The following PLOD1 variants were observed in gnomAD, a reference collection of about 807,000 sequenced individuals.
PLOD1 encodes the protein procollagen-lysine,2-oxoglutarate 5-dioxygenase 1.
Under a neutral mutation model 94.7 loss-of-function variants are expected in PLOD1, and 70 were observed. That is an observed-to-expected ratio of 0.74 (90% CI 0.61 to 0.90). PLOD1 has a LOEUF of 0.90. Among genes scored for constraint, PLOD1 ranks in the 40% least tolerant of loss-of-function variants. The pLI is 0.00. For missense variants in PLOD1, 905 were observed against 972.7 expected (o/e 0.93, Z 0.93); for synonymous variants, 417 against 400.2 (o/e 1.04, Z -0.50).
In PLOD1 at chr1:11,972,690, G is replaced by A. The variant is rs1419069836; in HGVS notation, c.1903-182G>A. ...CTCTCCCCTCTGTCCATACATTTTT[G>A]TTGAGAACCTTTTCTGTGCCAGGTA... On this transcript the variant is annotated intron_variant, in intron 17 of 18. Coordinates refer to ENST00000196061, the MANE Select transcript of PLOD1 (RefSeq NM_000302.4). This position sits in a 1 kb window ranked among gnomAD's most constrained non-coding sequence, Gnocchi z 4.6. The A allele has an allele frequency of 6.8e-6, 3 of 438,086 alleles. No homozygotes were observed. Among genetic ancestry groups the A allele is most frequent in the African/African-American group, 6.4e-5 (3 of 46,736 alleles). 27.1% of individuals were successfully genotyped at this position (438,086 alleles called of 1,614,324 possible). A position where few individuals can be genotyped will look rare whatever the true frequency, so the allele number is the denominator to read the frequency against.
At chr1:11,970,582 C>A in intron 16 of PLOD1, 88 bp from the exon 17 acceptor site, 3 of 1,256,968 alleles carry the variant, frequency 2.4e-6, no homozygotes, top group African/African-American at 1.5e-5. Context: ...GTGGTCCGGT[C>A]ACATTCCCGG....
At chr1:11,961,733 C>G (rs141602332) in intron 10 of PLOD1, among the ~76,000 whole-genome samples, 3 of 152,150 alleles carry the variant, frequency 2.0e-5, no homozygotes, top group Admixed American at 6.5e-5. Flanking sequence ...CCTCAGCCCC[C>G]CAAGAAGCTG....
In PLOD1 at chr1:11,963,740, CCTCCTCTTTTTCCTTCTCCTG is replaced by C. The variant is rs1264121434; in HGVS notation, c.1202+114_1202+134del. ...TCCTCCTCCTCATCCACCTCCTCTT[CCTCCTCTTTTTCCTTCTCCTG>C]CTCCTCTTTCTCCTCCTCGTCTTCC... On this transcript the variant is annotated intron_variant, in intron 11 of 18. Transcript: ENST00000196061. The surrounding 1 kb of genome is among the most constrained non-coding windows in gnomAD (Gnocchi z 4.3). 2.7e-6 allele frequency: 2 copies of C among 737,144 alleles called. No individual in the cohort carries two copies. The highest frequency in any genetic ancestry group is 3.5e-5 in the African/African-American group (2 of 57,884). The allele number at this position is 737,144 out of a possible 1,614,324, so 45.7% of individuals were successfully genotyped here.
chr1:11,948,528 G>A (rs1047564198), intron 2 of PLOD1, among the ~76,000 whole-genome samples: 4 of 152,136 alleles, frequency 2.6e-5, no homozygotes, highest in Non-Finnish European at 2.9e-5. Context: ...AGGAGTTCGA[G>A]ACCAGCCTGG....
At chr1:11,966,050 CAT>C (rs1488390673) in intron 14 of PLOD1, among the ~76,000 whole-genome samples, 199 bp from the exon 15 acceptor site, 10 of 152,120 alleles carry the variant, frequency 6.6e-5, no homozygotes, top group African/African-American at 2.4e-4. Flanking sequence ...CAAGCACACA[CAT>C]GTACATACAT....
chr1:11,950,022 C>T (rs1645688159), intron 3 of PLOD1, 116 bp downstream of exon 3: 3 of 1,153,814 alleles, frequency 2.6e-6, no homozygotes, highest in Admixed American at 3.4e-5. Context: ...GCTAAGGTTG[C>T]CTAGTTTTAG....
Position 11,974,770 on chromosome 1 carries a change from G to T in PLOD1, c.2146G>T (p.Gly716Cys). ...CCATGAGGGGCTCCCCACCACCAGG[G>T]GCACCCGCTACATCGCAGTCTCCTT... The part of the protein sequence containing the change: ...HYHEGLPTTR[G>C]TRYIAVSFVD... The change falls in exon 19 of 19, where the codon GGC becomes TGC. Residue 716 changes from glycine (G) to cysteine (C), a missense_variant. Transcript: ENST00000196061. The T allele has an allele frequency of 6.2e-7, 1 of 1,614,142 alleles. No individual in the cohort carries two copies. Among genetic ancestry groups the T allele is most frequent in the South Asian group, 1.1e-5 (1 of 91,076 alleles).
intron 15 of PLOD1, 46 bp from the exon 16 acceptor site, chr1:11,966,941 G>A: frequency 3.5e-6 from 4 of 1,158,214 alleles, no homozygotes; most frequent in Middle Eastern, 3.8e-4. Context: ...GGAGGATTCT[G>A]TGGTGCCACT....
rs76956817 is a variant in PLOD1, at chr1:11,939,038, G to A, written c.76+4183G>A. On this transcript the variant is annotated intron_variant, in intron 1 of 18. Coordinates refer to ENST00000196061, the MANE Select transcript of PLOD1 (RefSeq NM_000302.4). The stretch of plus-strand genomic sequence containing the variant: ...CAGATGTCCCACAGCCCTTCCTCCC[G>A]TTTGTAGAAACTTCTAGCAGATCTC... Among the ~76,000 whole-genome samples, 765 of 152,298 alleles carry A rather than the reference G, an allele frequency of 5.0e-3. 8 individuals carry two copies. Among genetic ancestry groups the A allele is most frequent in the African/African-American group, 0.017 (698 of 41,560 alleles).
chr1:11,940,882 G>A (rs1249643925), intron 1 of PLOD1, among the ~76,000 whole-genome samples: 19 of 152,244 alleles, frequency 1.2e-4, no homozygotes, highest in Admixed American at 1.2e-3. Flanking sequence ...GCAGTTGGGT[G>A]CTTGTGCTGC....
intron 5 of PLOD1, chr1:11,954,392 A>G (rs1645723764): frequency 1.2e-5 from 5 of 403,110 alleles, no homozygotes; most frequent in Admixed American, 8.1e-5. Flanking sequence ...AGTCTGAGGC[A>G]GGAGAATCGC....
intron 1 of PLOD1, among the ~76,000 whole-genome samples, chr1:11,935,589 C>T (rs1039302203): frequency 2.0e-5 from 3 of 150,000 alleles, no homozygotes; most frequent in Non-Finnish European, 3.0e-5. Context: ...TATGCGATCT[C>T]GGCTTACTGC....
chr1:11,961,728 G>GC (rs1167419213), intron 10 of PLOD1, among the ~76,000 whole-genome samples: 4 of 152,150 alleles, frequency 2.6e-5, no homozygotes, highest in African/African-American at 9.7e-5. Context: ...TCCTGCCTCA[G>GC]CCCCCCAAGA....
At chr1:11,950,244 G>T (rs570696881) in intron 3 of PLOD1, 113 bp from the exon 4 acceptor site, 7 of 1,042,696 alleles carry the variant, frequency 6.7e-6, no homozygotes, top group African/African-American at 1.6e-5. Flanking sequence ...CCAGGCTGGC[G>T]TGGGCAGAGG....
intron 1 of PLOD1, among the ~76,000 whole-genome samples, chr1:11,939,522 AG>A (rs1406683178): frequency 9.9e-5 from 15 of 152,120 alleles, no homozygotes; most frequent in Admixed American, 1.3e-4. Context: ...CAGTCAAACC[AG>A]GGGTGCCCAG....
rs577423708 is a variant in PLOD1, at chr1:11,974,537, G to A, written c.2029-116G>A. ...AGCGCTTGTGGCTGTCACTCCAGAAGGCATCCCCAGGCAGGCAGTGCTGAG... is the reference window on the plus strand; with the variant it reads ...AGCGCTTGTGGCTGTCACTCCAGAAAGCATCCCCAGGCAGGCAGTGCTGAG... On this transcript the variant is annotated intron_variant, in intron 18 of 18. Transcript: ENST00000196061. The A allele has an allele frequency of 5.8e-5, 57 of 983,462 alleles. No individual in the cohort carries two copies. In the East Asian group the frequency reaches 1.2e-3, roughly 21 times the overall value. 60.9% of individuals were successfully genotyped at this position (983,462 alleles called of 1,614,324 possible).
chr1:11,960,617 C>T (rs562856531), intron 9 of PLOD1, 29 bp from the exon 10 acceptor site: 53 of 1,480,898 alleles, frequency 3.6e-5, no homozygotes, highest in Admixed American at 2.5e-4. Flanking sequence ...TCCTCACCCC[C>T]GCATCCCCTT....
intron 16 of PLOD1, among the ~76,000 whole-genome samples, chr1:11,969,311 G>A (rs532320246): frequency 8.5e-5 from 13 of 152,220 alleles, no homozygotes; most frequent in African/African-American, 3.1e-4. Flanking sequence ...TTGTTTAACA[G>A]AAATGTGTGT....
Position 11,944,433 on chromosome 1 carries a change from A to G in PLOD1, c.77-3543A>G, listed in dbSNP as rs559961456. ...TGCGCATGCACGCGTACACACACAC[A>G]CACACACACACACACACACACTCAC... is the stretch of plus-strand genomic sequence containing the variant. On this transcript the variant is annotated intron_variant, in intron 1 of 18. Coordinates refer to ENST00000196061, the MANE Select transcript of PLOD1 (RefSeq NM_000302.4). 135 of 766,976 alleles carry G rather than the reference A, an allele frequency of 1.8e-4. 1 individual carries two copies. Among genetic ancestry groups the G allele is most frequent in the Non-Finnish European group, 3.5e-5 (18 of 510,380 alleles). The allele number at this position is 766,976 out of a possible 1,614,324, so 47.5% of individuals were successfully genotyped here.
Sources: allele counts gnomAD v4.1 joint callset (sites outside exome capture counted in the v4.1 genomes callset), GRCh38; gene constraint gnomAD v4.1.1; non-coding constraint Gnocchi (gnomAD v3.1); transcripts MANE v1.5; gene names NCBI Gene and HGNC (gene_info 2026-07-23, HGNC 2026-07-21).